TBK1: variants seen among roughly 807,000 people sequenced by gnomAD.
The protein encoded by TBK1 is serine/threonine-protein kinase TBK1.
A neutral mutation model predicts 99.9 loss-of-function variants in TBK1; 37 were observed. The ratio of observed to expected loss-of-function variants is 0.37; its 90% CI spans 0.28 to 0.49. TBK1 has a LOEUF of 0.49. TBK1 is among the 20% of genes least tolerant of loss of function. The probability of loss-of-function intolerance (pLI) is 0.98; values close to 1 mark genes in which losing one functional copy is unlikely to be tolerated. For synonymous variants in TBK1, 258 were observed against 279.8 expected (o/e 0.92, Z 0.78); for missense variants, 644 against 872.5 (o/e 0.74, Z 3.30).
chr12:64,459,418 C>T (rs963100963), intron 2 of TBK1, among the ~76,000 whole-genome samples: 4 of 152,144 alleles, frequency 2.6e-5, no homozygotes, highest in African/African-American at 4.8e-5. Flanking sequence ...CTCTAAGATT[C>T]CCTCCCAACT....
intron 2 of TBK1, among the ~76,000 whole-genome samples, chr12:64,457,716 T>C (rs149512402): frequency 6.0e-4 from 92 of 152,304 alleles, no homozygotes; most frequent in African/African-American, 2.2e-3. Flanking sequence ...CACTAGAAGA[T>C]ACGTCACATA....
At chr12:64,462,167 G>A (rs189403374) in intron 3 of TBK1, among the ~76,000 whole-genome samples, 14 of 152,278 alleles carry the variant, frequency 9.2e-5, no homozygotes, top group African/African-American at 3.4e-4. Flanking sequence ...AGTGGCCAAA[G>A]CCCCCAGAGG....
intron 18 of TBK1, 111 bp downstream of exon 18, chr12:64,497,370 T>C (rs2040938835): frequency 1.0e-5 from 8 of 781,828 alleles, no homozygotes; most frequent in Non-Finnish European, 1.4e-5. Flanking sequence ...CACCCACCAA[T>C]TTTTAATATG....
chr12:64,469,398 C>T (rs904590098), intron 5 of TBK1, among the ~76,000 whole-genome samples: 87 of 152,174 alleles, frequency 5.7e-4, no homozygotes, highest in African/African-American at 2.0e-3. Flanking sequence ...TCCTACATGA[C>T]ATTTGTGCTT....
intron 9 of TBK1, 108 bp from the exon 10 acceptor site, chr12:64,485,347 C>A (rs371414030): frequency 9.4e-5 from 47 of 499,232 alleles, no homozygotes; most frequent in African/African-American, 8.4e-4. Context: ...AACTACATTA[C>A]AGATTTTGCC....
At chr12:64,478,388 G>T (rs909531908) in intron 6 of TBK1, among the ~76,000 whole-genome samples, 3 of 152,112 alleles carry the variant, frequency 2.0e-5, no homozygotes, top group African/African-American at 7.2e-5. Context: ...GGCCTCAAGT[G>T]ATCTGCCCCC....
At position 64,501,342 on chromosome 12, in the gene TBK1, A is replaced by T; in HGVS notation, c.2151A>T (p.Leu717Phe). The change falls in exon 21 of 21, where the codon TTA becomes TTT. Residue 717 changes from leucine (L) to phenylalanine (F), a missense_variant. Transcript: ENST00000331710. ...GTGTGTGTTTTAGGTTTGGCTCTTT[A>T]ACCATGGATGGTGGCCTTCGCAACG... is the stretch of plus-strand genomic sequence containing the variant. ...NNHILERFGS[L>F]TMDGGLRNVD... 1 of 1,614,026 alleles carries T rather than the reference A, an allele frequency of 6.2e-7. No individual in the cohort carries two copies.
rs933142117 is a variant in TBK1 at position 64,476,883 on chromosome 12, A to G, written c.701+2493A>G. 8.5e-5 allele frequency among the ~76,000 whole-genome samples: 13 copies of G among 152,250 alleles called. 2 individuals carry two copies. The highest frequency in any genetic ancestry group is 2.6e-4 in the Admixed American group (4 of 15,288). On this transcript the variant is annotated intron_variant, in intron 6 of 20. Transcript: ENST00000331710. Reference sequence around the variant, plus strand: ...GTAGGGGTCTAGTTTTATTCTGCATATGGTTAGCTAGTTTTCCCAGCACCA... The same window carrying G: ...GTAGGGGTCTAGTTTTATTCTGCATGTGGTTAGCTAGTTTTCCCAGCACCA...
chr12:64,500,416 C>T (rs1198013235), intron 20 of TBK1, among the ~76,000 whole-genome samples: 1 of 152,110 alleles, frequency 6.6e-6, no homozygotes, highest in Non-Finnish European at 1.5e-5. Context: ...CCTCGTCACC[C>T]TCATTCAGAT....
At chr12:64,489,741 T>TC (rs957216184) in intron 12 of TBK1, among the ~76,000 whole-genome samples, 2 of 151,428 alleles carry the variant, frequency 1.3e-5, no homozygotes, top group African/African-American at 4.9e-5. Context: ...GCTTATTTTT[T>TC]TTTTTTTTGT....
chr12:64,488,519 T>G lies in TBK1; in HGVS notation c.1373T>G (p.Val458Gly). The G allele has an allele frequency of 6.2e-7, 1 of 1,601,258 alleles. No individual in the cohort carries two copies. The highest frequency in any genetic ancestry group is 8.5e-7 in the Non-Finnish European group (1 of 1,175,594). ...ATTAAAGATGATTACAATGAAACTG[T>G]TCACAAAAAGACAGAAGTTGTGATC... ...ELIKDDYNETVHKKTEVVITL... is the reference protein window; with the variant it reads ...ELIKDDYNETGHKKTEVVITL... Residue 458 changes from valine (V) to glycine (G), a missense_variant, in exon 12 of 21, where the codon GTT becomes GGT. This residue lies in a region of TBK1 where 465 missense variants were observed against 588.0 expected (regional missense o/e 0.79). Transcript: ENST00000331710.
Position 64,501,773 on chromosome 12 carries a change from G to A in TBK1, c.*392G>A, listed in dbSNP as rs14090. The A allele has an allele frequency of 5.6e-4, 97 of 173,670 alleles. No homozygotes were observed. The highest frequency in any genetic ancestry group is 8.2e-4 in the Non-Finnish European group (67 of 82,086). The allele number at this position is 173,670 out of a possible 1,614,324, so 10.8% of individuals were successfully genotyped here. A position where few individuals can be genotyped will look rare whatever the true frequency, so the allele number is the denominator to read the frequency against. Reference sequence around the variant, plus strand: ...CAAATCAGGAAGACTGACTTGACACGTTTGTAAATGGTAGAACGGTGGCTA... The same window carrying A: ...CAAATCAGGAAGACTGACTTGACACATTTGTAAATGGTAGAACGGTGGCTA... On this transcript the variant is annotated 3_prime_UTR_variant, in exon 21 of 21. Transcript: ENST00000331710.
chr12:64,467,483 A>G (rs1031257580), intron 5 of TBK1, among the ~76,000 whole-genome samples: 12 of 152,104 alleles, frequency 7.9e-5, no homozygotes, highest in Admixed American at 3.9e-4. Flanking sequence ...TGTTAGAAAC[A>G]CACACACACA....
intron 20 of TBK1, among the ~76,000 whole-genome samples, chr12:64,500,916 A>G (rs1173051024): frequency 1.3e-5 from 2 of 151,704 alleles, no homozygotes; most frequent in African/African-American, 2.4e-5. Flanking sequence ...ACGCTACCAC[A>G]CCCAGCTAAT....
chr12:64,459,068 A>T (rs1370055346), intron 2 of TBK1, among the ~76,000 whole-genome samples: 1 of 152,178 alleles, frequency 6.6e-6, no homozygotes, highest in African/African-American at 2.4e-5. Flanking sequence ...TGATGGCTCT[A>T]AGTGGTGAAT....
At chr12:64,495,371 G>C in intron 13 of TBK1, 112 bp from the exon 14 acceptor site, 1 of 1,325,450 alleles carries the variant, frequency 7.5e-7, no homozygotes, top group African/African-American at 1.5e-5. Context: ...CTGTGCCTTT[G>C]AATTGAAGTA....
intron 5 of TBK1, among the ~76,000 whole-genome samples, chr12:64,471,394 C>G (rs1199952996): frequency 6.6e-6 from 1 of 151,794 alleles, no homozygotes; most frequent in African/African-American, 2.4e-5. Context: ...ACTCTGTTGC[C>G]CAGGCTGGAG....
At chr12:64,468,960 A>C (rs909514682) in intron 5 of TBK1, among the ~76,000 whole-genome samples, 1 of 151,836 alleles carries the variant, frequency 6.6e-6, no homozygotes. Flanking sequence ...CTGAGAACCT[A>C]CTGCATCAGT....
chr12:64,472,439 A>G (rs996722169), intron 5 of TBK1, among the ~76,000 whole-genome samples: 1 of 152,170 alleles, frequency 6.6e-6, no homozygotes, highest in African/African-American at 2.4e-5. Context: ...TTTAGGTGGT[A>G]ACTCTACTTT....
Sources: allele counts gnomAD v4.1 joint callset (sites outside exome capture counted in the v4.1 genomes callset), GRCh38; gene constraint gnomAD v4.1.1; regional missense constraint gnomAD v4.1.1; transcripts MANE v1.5; gene names NCBI Gene and HGNC (gene_info 2026-07-23, HGNC 2026-07-21).